Variants in FHOD3 observed in about 807,000 individuals in gnomAD.
FHOD3 encodes the protein formin homology 2 domain containing 3.
Under a neutral mutation model 173.0 loss-of-function variants are expected in FHOD3, and 90 were observed. The ratio of observed to expected loss-of-function variants is 0.52; its 90% CI spans 0.44 to 0.62. FHOD3 has a LOEUF of 0.62. FHOD3 is among the 20% of genes least tolerant of loss of function. The pLI is 0.00. For synonymous variants in FHOD3, 828 were observed against 823.0 expected, an observed-to-expected ratio of 1.01 and a Z score of -0.10; for missense variants, 1,945 against 2,034.7, an observed-to-expected ratio of 0.96 and a Z score of 0.85.
At chr18:36,566,602 G>A (rs1459708751) in intron 5 of FHOD3, among the ~76,000 whole-genome samples, 2 of 152,200 alleles carry the variant, frequency 1.3e-5, no homozygotes, top group Non-Finnish European at 2.9e-5. Flanking sequence ...AGTATTTCAT[G>A]CCTTGGAAAA....
Position 36,759,138 on chromosome 18 carries a change from T to A in FHOD3, c.4446T>A (p.Val1482=). ...MITDTDEEEE[V]ESGKFSGSSP... ...GGTAGACTGATGAGGAGGAGGAAGT[T>A]GAGGTATGACCATTTATGAACATGA... Residue 1482 remains valine, a synonymous_variant, in exon 26 of 29, where the codon GTT becomes GTA. Transcript: ENST00000590592. 2 of 1,535,954 alleles carry A rather than the reference T, an allele frequency of 1.3e-6. No individual in the cohort carries two copies. The highest frequency in any genetic ancestry group is 1.7e-6 in the Non-Finnish European group (2 of 1,146,738).
At chr18:36,735,155 G>C (rs1016700326) in intron 20 of FHOD3, among the ~76,000 whole-genome samples, 2 of 152,048 alleles carry the variant, frequency 1.3e-5, no homozygotes, top group African/African-American at 4.8e-5. Flanking sequence ...ACAATTGAAT[G>C]GTCCCAAACA....
At chr18:36,621,106 G>A (rs917801712) in intron 9 of FHOD3, among the ~76,000 whole-genome samples, 1 of 152,014 alleles carries the variant, frequency 6.6e-6, no homozygotes, top group African/African-American at 2.4e-5. Context: ...AATTTTTATG[G>A]CTTCATATTA....
At chr18:36,369,421 C>T (rs915932397) in intron 2 of FHOD3, among the ~76,000 whole-genome samples, 9 of 130,082 alleles carry the variant, frequency 6.9e-5, no homozygotes, top group Non-Finnish European at 1.1e-4. Context: ...GGTGGATGTC[C>T]TTTGTTTTAT....
intron 17 of FHOD3, among the ~76,000 whole-genome samples, chr18:36,701,002 G>A (rs1337065365): frequency 6.6e-6 from 1 of 152,212 alleles, no homozygotes; most frequent in African/African-American, 2.4e-5. Flanking sequence ...TTACCTCACT[G>A]TCCATGTGAT....
intron 14 of FHOD3, among the ~76,000 whole-genome samples, chr18:36,665,844 G>A (rs933625148): frequency 6.6e-6 from 1 of 152,194 alleles, no homozygotes; most frequent in African/African-American, 2.4e-5. Context: ...GGCAGTCAGC[G>A]CTTTGGGAAG....
rs573080898 is a variant in FHOD3, at chr18:36,595,016, T to C, written c.718+118T>C. The C allele has an allele frequency of 4.6e-6, 3 of 647,008 alleles. No individual in the cohort carries two copies. In the East Asian group the frequency reaches 8.9e-5, roughly 19 times the overall value. 40.1% of individuals were successfully genotyped at this position (647,008 alleles called of 1,614,324 possible). ...TTAATAGAATTCCCGAGATGTGGACTTCCCACTGCAAGAAACGTTTTTTAG... is the reference window on the plus strand; with the variant it reads ...TTAATAGAATTCCCGAGATGTGGACCTCCCACTGCAAGAAACGTTTTTTAG... On this transcript the variant is annotated intron_variant, in intron 7 of 28. Transcript: ENST00000590592.
intron 4 of FHOD3, among the ~76,000 whole-genome samples, chr18:36,504,775 A>C (rs199832038): frequency 6.9e-6 from 1 of 144,632 alleles, no homozygotes; most frequent in Non-Finnish European, 1.5e-5. Context: ...TAAATACATA[A>C]ATAAATAAAA....
rs559803694 is a variant in FHOD3 at position 36,339,734 on chromosome 18, G to A, written c.166-15805G>A. On this transcript the variant is annotated intron_variant, in intron 1 of 28. Coordinates refer to ENST00000590592, the MANE Select transcript of FHOD3 (RefSeq NM_001281740.3). ...GGTGGGGCTGGGGCTGTGGACACCT[G>A]TGAAACTCTACATATGTCCAGTGAG... is the stretch of plus-strand genomic sequence containing the variant. Among the ~76,000 whole-genome samples, 12 of 152,312 alleles carry A rather than the reference G, an allele frequency of 7.9e-5. No homozygotes were observed. In the East Asian group the frequency reaches 1.9e-3, roughly 25 times the overall value.
At chr18:36,550,487 G>T (rs1372051952) in intron 5 of FHOD3, among the ~76,000 whole-genome samples, 1 of 151,742 alleles carries the variant, frequency 6.6e-6, no homozygotes, top group Non-Finnish European at 1.5e-5. Flanking sequence ...GGGAAAAAAA[G>T]CTTGCTTAGA....
At chr18:36,320,562 G>A (rs558180176) in intron 1 of FHOD3, among the ~76,000 whole-genome samples, 3 of 152,292 alleles carry the variant, frequency 2.0e-5, no homozygotes, top group Non-Finnish European at 4.4e-5. Flanking sequence ...GTAAAAAGAG[G>A]AGCTGGCATC....
chr18:36,394,213 G>C (rs1418088631), intron 3 of FHOD3, among the ~76,000 whole-genome samples: 1 of 152,172 alleles, frequency 6.6e-6, no homozygotes, highest in Non-Finnish European at 1.5e-5. Context: ...TGGATTCATT[G>C]TTATGGTCAA....
chr18:36,595,746 A>T lies in FHOD3; in HGVS notation c.718+848A>T, dbSNP rs371299448. On this transcript the variant is annotated intron_variant, in intron 7 of 28. Transcript: ENST00000590592. ...TGTGTAACGTGCTGTGGACCCCGTG[A>T]TATTGGGAAGCCTGGAATTAAAATG... Among the ~76,000 whole-genome samples the T allele has an allele frequency of 1.6e-4, 25 of 152,352 alleles. No homozygotes were observed. In the East Asian group the frequency reaches 4.8e-3, roughly 29 times the overall value.
intron 3 of FHOD3, among the ~76,000 whole-genome samples, chr18:36,480,124 C>G (rs1308420340): frequency 6.6e-6 from 1 of 152,214 alleles, no homozygotes; most frequent in Non-Finnish European, 1.5e-5. Context: ...GCAGTGGCAC[C>G]TTGATAGCCC....
intron 2 of FHOD3, among the ~76,000 whole-genome samples, chr18:36,361,987 T>G (rs2145879347): frequency 6.6e-6 from 1 of 152,282 alleles, no homozygotes; most frequent in East Asian, 1.9e-4. Context: ...ATGAAGTAAC[T>G]CCCATGCTGA....
At chr18:36,444,558 C>A (rs1207634498) in intron 3 of FHOD3, among the ~76,000 whole-genome samples, 1 of 152,144 alleles carries the variant, frequency 6.6e-6, no homozygotes, top group Non-Finnish European at 1.5e-5. Context: ...CCTCTTCTTT[C>A]CTTTCTTGTT....
chr18:36,726,025 A>AT (rs574985668), intron 19 of FHOD3, among the ~76,000 whole-genome samples: 9 of 150,806 alleles, frequency 6.0e-5, no homozygotes, highest in Admixed American at 6.6e-5. Context: ...CACTTTAGAC[A>AT]TTTTTTTTTC....
At chr18:36,550,710 C>A (rs1302820083) in intron 5 of FHOD3, among the ~76,000 whole-genome samples, 1 of 151,712 alleles carries the variant, frequency 6.6e-6, no homozygotes, top group Non-Finnish European at 1.5e-5. Flanking sequence ...TTTTAAAATT[C>A]CAATTTCAAA....
At position 36,414,579 on chromosome 18, in the gene FHOD3, C is replaced by A. The variant is rs569476130; in HGVS notation, c.337+41835C>A. Reference sequence around the variant, plus strand: ...CCAGCCACTTGTCCACCCGCATCAACTCATCCCATCATTCATTGGTGCCAG... The same window carrying A: ...CCAGCCACTTGTCCACCCGCATCAAATCATCCCATCATTCATTGGTGCCAG... On this transcript the variant is annotated intron_variant, in intron 3 of 28. Coordinates refer to ENST00000590592, the MANE Select transcript of FHOD3 (RefSeq NM_001281740.3). Among the ~76,000 whole-genome samples the A allele has an allele frequency of 5.9e-4, 90 of 152,342 alleles. No homozygotes were observed. The South Asian group carries it at 0.018, about 31-fold the overall frequency.
Sources: allele counts gnomAD v4.1 joint callset (sites outside exome capture counted in the v4.1 genomes callset), GRCh38; gene constraint gnomAD v4.1.1; transcripts MANE v1.5; gene names NCBI Gene and HGNC (gene_info 2026-07-23, HGNC 2026-07-21).